The following TBC1D5 variants were observed in gnomAD, a reference collection of about 807,000 sequenced individuals.
The protein encoded by TBC1D5 is TBC1 domain family, member 5.
A neutral mutation model predicts 100.3 loss-of-function variants in TBC1D5; 75 were observed. That is an observed-to-expected ratio of 0.75 (90% CI 0.62 to 0.91). The LOEUF is 0.91. TBC1D5 is among the 40% of genes least tolerant of loss of function. The pLI is 0.00. For synonymous variants in TBC1D5, 323 were observed against 325.6 expected (o/e 0.99, Z 0.09); for missense variants, 910 against 942.4 (o/e 0.97, Z 0.45).
chr3:17,210,080 A>C (rs953603306), intron 18 of TBC1D5, among the ~76,000 whole-genome samples: 3 of 152,176 alleles, frequency 2.0e-5, no homozygotes, highest in Non-Finnish European at 2.9e-5. Context: ...GTACATGAGA[A>C]TCATTTTTTT....
intron 13 of TBC1D5, among the ~76,000 whole-genome samples, chr3:17,338,998 TACAGAAGTTAGC>T (rs1056438607): frequency 2.6e-5 from 4 of 152,226 alleles, no homozygotes; most frequent in African/African-American, 9.6e-5. Flanking sequence ...TTCCTGCTTC[TACAGAAGTTAGC>T]ACAAAATACA....
At chr3:17,724,253 C>A (rs945049588) in intron 1 of TBC1D5, among the ~76,000 whole-genome samples, 53 of 151,908 alleles carry the variant, frequency 3.5e-4, no homozygotes, top group African/African-American at 1.2e-3. Flanking sequence ...CCACCATGCT[C>A]GTCTAATTTT....
chr3:17,191,504 G>A (rs1419048808), intron 18 of TBC1D5, among the ~76,000 whole-genome samples: 1 of 152,166 alleles, frequency 6.6e-6, no homozygotes, highest in Non-Finnish European at 1.5e-5. Context: ...ACATTCAATG[G>A]CAACATGCAC....
chr3:17,291,151 C>T lies in TBC1D5; in HGVS notation c.1245+744G>A, dbSNP rs557585364. Among the ~76,000 whole-genome samples the T allele has an allele frequency of 3.0e-4, 45 of 152,330 alleles. 1 individual carries two copies. Among genetic ancestry groups the T allele is most frequent in the Middle Eastern group, 3.4e-3 (1 of 294 alleles). ...AAAGGCTGGGATTACCATCCAATGCCTGGCATTCTGATATTCGTGTTTGAA... is the reference window on the plus strand; with the variant it reads ...AAAGGCTGGGATTACCATCCAATGCTTGGCATTCTGATATTCGTGTTTGAA... On this transcript the variant is annotated intron_variant, in intron 15 of 21. Transcript: ENST00000253692.
At chr3:17,610,380 T>C (rs1343005617) in intron 2 of TBC1D5, among the ~76,000 whole-genome samples, 1 of 151,986 alleles carries the variant, frequency 6.6e-6, no homozygotes, top group Non-Finnish European at 1.5e-5. Context: ...AGAAACAGGG[T>C]TTCACCATGC....
At chr3:17,366,317 A>G (rs577487891) in intron 13 of TBC1D5, among the ~76,000 whole-genome samples, 1 of 152,144 alleles carries the variant, frequency 6.6e-6, no homozygotes, top group South Asian at 2.1e-4. Flanking sequence ...AAAAAACAAA[A>G]AAACAAAAAA....
At chr3:17,624,728 G>A (rs796767805) in intron 1 of TBC1D5, among the ~76,000 whole-genome samples, 24 of 152,080 alleles carry the variant, frequency 1.6e-4, no homozygotes, top group African/African-American at 5.8e-4. Flanking sequence ...TAAGAACAGG[G>A]TATCTGTACT....
rs978562937 is a variant in TBC1D5 at position 17,568,085 on chromosome 3, A to T, written c.-36+55764T>A. Among the ~76,000 whole-genome samples, 4 of 151,632 alleles carry T rather than the reference A, an allele frequency of 2.6e-5. No homozygotes were observed. The South Asian group carries it at 8.3e-4, about 31-fold the overall frequency. On this transcript the variant is annotated intron_variant, in intron 2 of 21. Transcript: ENST00000253692. ...GTTCTAGCAAGCATTTAGAATGGCA[A>T]CGTAAAAGGTGAACACCCTCCTACC...
At chr3:17,294,603 C>A (rs868456858) in intron 14 of TBC1D5, among the ~76,000 whole-genome samples, 1 of 152,276 alleles carries the variant, frequency 6.6e-6, no homozygotes, top group South Asian at 2.1e-4. Flanking sequence ...ACTTGCAAAA[C>A]AAATGAGGAA....
At chr3:17,612,405 A>G (rs1342054359) in intron 2 of TBC1D5, among the ~76,000 whole-genome samples, 1 of 151,980 alleles carries the variant, frequency 6.6e-6, no homozygotes, top group Non-Finnish European at 1.5e-5. Flanking sequence ...AGGCAAGTGG[A>G]TCACCGGAGG....
At chr3:17,363,286 T>C (rs963715084) in intron 13 of TBC1D5, among the ~76,000 whole-genome samples, 5 of 152,254 alleles carry the variant, frequency 3.3e-5, no homozygotes, top group Admixed American at 3.3e-4. Flanking sequence ...TATGTTTATA[T>C]GCTTAAAAGT....
intron 3 of TBC1D5, among the ~76,000 whole-genome samples, chr3:17,492,672 G>A (rs900120523): frequency 6.6e-6 from 1 of 152,148 alleles, no homozygotes; most frequent in African/African-American, 2.4e-5. Context: ...CTGACCTCAA[G>A]TGATCTGTCA....
intron 3 of TBC1D5, among the ~76,000 whole-genome samples, chr3:17,450,426 C>T (rs1461613090): frequency 1.3e-5 from 2 of 152,106 alleles, no homozygotes; most frequent in African/African-American, 4.8e-5. Context: ...TGGGTAACAA[C>T]AAACTCCTCC....
intron 2 of TBC1D5, among the ~76,000 whole-genome samples, chr3:17,599,849 C>T (rs1265882475): frequency 1.3e-5 from 2 of 152,062 alleles, no homozygotes; most frequent in African/African-American, 4.8e-5. Flanking sequence ...GGAACTTTCC[C>T]ATCTCAAAAG....
At chr3:17,627,961 C>T (rs541019246) in intron 1 of TBC1D5, among the ~76,000 whole-genome samples, 1 of 152,104 alleles carries the variant, frequency 6.6e-6, no homozygotes, top group Non-Finnish European at 1.5e-5. Context: ...ACTACTCTCT[C>T]AGGTTTAGGT....
intron 15 of TBC1D5, among the ~76,000 whole-genome samples, chr3:17,265,906 G>GAA (rs2078800666): frequency 6.7e-6 from 1 of 149,806 alleles, no homozygotes; most frequent in Non-Finnish European, 1.5e-5. Flanking sequence ...TTTAACTGAA[G>GAA]GTATTTTAAA....
intron 4 of TBC1D5, among the ~76,000 whole-genome samples, chr3:17,422,399 C>G (rs1007100711): frequency 6.6e-6 from 1 of 150,588 alleles, no homozygotes; most frequent in African/African-American, 2.5e-5. Context: ...GTTGGCCAGG[C>G]TGGTCTTGAA....
At chr3:17,472,029 A>G (rs1457315915) in intron 3 of TBC1D5, among the ~76,000 whole-genome samples, 1 of 152,216 alleles carries the variant, frequency 6.6e-6, no homozygotes, top group Non-Finnish European at 1.5e-5. Flanking sequence ...TCAGGAGATT[A>G]TAAGTTTTTC....
chr3:17,164,337 G>T (rs1262801410), intron 21 of TBC1D5, among the ~76,000 whole-genome samples: 2 of 152,214 alleles, frequency 1.3e-5, no homozygotes, highest in East Asian at 3.9e-4. Context: ...ATTATTTACT[G>T]ATTAACCAAG....
Sources: gnomAD v4.1 joint callset for allele counts (sites outside exome capture counted in the v4.1 genomes callset) on GRCh38, gnomAD v4.1.1 for gene constraint, MANE v1.5 for transcripts, NCBI Gene and HGNC (gene_info 2026-07-23, HGNC 2026-07-21) for gene names.